CLDN1: variants seen among roughly 807,000 people sequenced by gnomAD.
The protein encoded by CLDN1 is claudin-1.
Under a neutral mutation model 22.6 loss-of-function variants are expected in CLDN1, and 12 were observed. That is an observed-to-expected ratio of 0.53 (90% CI 0.34 to 0.86). The LOEUF (loss-of-function observed/expected upper bound fraction) is 0.86, where lower values mean the gene tolerates loss of function less well. CLDN1 is among the 40% of genes least tolerant of loss of function. CLDN1 has a pLI of 0.02. For synonymous variants in CLDN1, 99 were observed against 103.8 expected, an observed-to-expected ratio of 0.95 and a Z score of 0.28; for missense variants, 250 against 269.5, an observed-to-expected ratio of 0.93 and a Z score of 0.51.
At position 190,310,252 on chromosome 3, in the gene CLDN1, A is replaced by T; in HGVS notation, c.390T>A (p.Gly130=). 10 of 1,612,670 alleles carry T rather than the reference A, an allele frequency of 6.2e-6. No individual in the cohort carries two copies. The highest frequency in any genetic ancestry group is 8.5e-6 in the Non-Finnish European group (10 of 1,178,884). Residue 130 remains glycine, a splice_region_variant and synonymous_variant, in exon 3 of 4, where the codon GGT becomes GGA. Transcript: ENST00000295522. The part of the protein sequence containing the change: ...VIGGAIFLLA[G]LAILVATAWY... ...ATGCTGTGGCAACTAAAATAGCCAG[A>T]CCTATAGAAATTCAAAACAAAAGAC... is the stretch of plus-strand genomic sequence containing the variant.
In CLDN1 at chr3:190,312,962, C is replaced by T. The variant is rs373107390; in HGVS notation, c.298G>A (p.Val100Ile). Residue 100 changes from valine to isoleucine, a missense_variant, in exon 2 of 4, where the codon GTT (valine) becomes ATT (isoleucine). Val to Ile is a conservative substitution (Grantham distance 29). Transcript: ENST00000295522. ...LGVIAIFVAT[V>I]GMKCMKCLED... Reference sequence around the variant, plus strand: ...AAGCACTTCATACACTTCATGCCAACGGTGGCCACAAAGATTGCTATCACT... The same window carrying T: ...AAGCACTTCATACACTTCATGCCAATGGTGGCCACAAAGATTGCTATCACT... 2.2e-5 allele frequency: 36 copies of T among 1,614,180 alleles called. No individual in the cohort carries two copies. The highest frequency in any genetic ancestry group is 1.6e-4 in the Middle Eastern group (1 of 6,062).
intron 1 of CLDN1, among the ~76,000 whole-genome samples, chr3:190,314,640 G>T (rs1716716701): frequency 6.6e-6 from 1 of 151,950 alleles, no homozygotes; most frequent in African/African-American, 2.4e-5. Context: ...CTGAGTTCAG[G>T]TGGTCTGCCC....
At position 190,308,229 on chromosome 3, in the gene CLDN1, G is replaced by A. The variant is rs1204499468; in HGVS notation, c.*48C>T. 5.0e-6 allele frequency: 8 copies of A among 1,601,726 alleles called. No homozygotes were observed. The Admixed American group carries it at 1.2e-4, about 23-fold the overall frequency. ...CTAATGTTAATGATAGTATCTCAAT[G>A]TCCATTTTCGGTTTGTTTCAACATG... On this transcript the variant is annotated 3_prime_UTR_variant, in exon 4 of 4. Coordinates refer to ENST00000295522, the MANE Select transcript of CLDN1 (RefSeq NM_021101.5).
chr3:190,314,473 C>T (rs1418092226), intron 1 of CLDN1, among the ~76,000 whole-genome samples: 1 of 152,116 alleles, frequency 6.6e-6, no homozygotes. Context: ...GGGCTCACTG[C>T]AACCTCTGCC....
chr3:190,310,025 T>C (rs2108606734), intron 3 of CLDN1, 144 bp downstream of exon 3: 1 of 718,342 alleles, frequency 1.4e-6, no homozygotes. Context: ...TTGACATAAG[T>C]CAGAGATCAT....
Position 190,308,406 on chromosome 3 carries a change from C to T in CLDN1, c.507G>A (p.Trp169Ter). Residue 169 changes from tryptophan (W) to a stop codon, truncating the protein, a stop_gained, in exon 4 of 4, where the codon TGG (tryptophan) becomes TGA (stop). Transcript: ENST00000295522. LOFTEE classifies it high-confidence loss of function. ...YEFGQALFTG[W>*]AAASLCLLGG... is the part of the protein sequence containing the mutation. Reference sequence around the variant, plus strand: ...CCAGAAGGCAGAGAGAAGCAGCAGCCCAGCCAGTGAAGAGAGCCTGACCAA... The same window carrying T: ...CCAGAAGGCAGAGAGAAGCAGCAGCTCAGCCAGTGAAGAGAGCCTGACCAA... The T allele has an allele frequency of 6.2e-7, 1 of 1,613,588 alleles. No homozygotes were observed. Among genetic ancestry groups the T allele is most frequent in the Non-Finnish European group, 8.5e-7 (1 of 1,179,778 alleles).
At chr3:190,321,353 G>A (rs962582904) in intron 1 of CLDN1, among the ~76,000 whole-genome samples, 1 of 152,038 alleles carries the variant, frequency 6.6e-6, no homozygotes, top group East Asian at 1.9e-4. Context: ...TTAAAACTTC[G>A]GGGGAATCTC....
At chr3:190,313,268 A>G in intron 1 of CLDN1, 2 of 529,658 alleles carry the variant, frequency 3.8e-6, no homozygotes, top group Non-Finnish European at 6.7e-6. Flanking sequence ...CCAATATTTT[A>G]TGTTTCCAAC....
At chr3:190,317,755 G>C (rs765127629) in intron 1 of CLDN1, among the ~76,000 whole-genome samples, 2 of 152,208 alleles carry the variant, frequency 1.3e-5, no homozygotes, top group Non-Finnish European at 2.9e-5. Context: ...CTTGTATACA[G>C]AAAGTCAACC....
intron 2 of CLDN1, among the ~76,000 whole-genome samples, chr3:190,310,481 T>C (rs1560073736): frequency 2.0e-5 from 3 of 152,214 alleles, no homozygotes; most frequent in South Asian, 4.1e-4. Flanking sequence ...TACTTTTTTA[T>C]GATATCTTGG....
chr3:190,319,807 A>G lies in CLDN1; in HGVS notation c.223+2177T>C, dbSNP rs1716870069. Among the ~76,000 whole-genome samples, 3 of 152,206 alleles carry G rather than the reference A, an allele frequency of 2.0e-5. No individual in the cohort carries two copies. In the South Asian group the frequency reaches 6.2e-4, roughly 31 times the overall value. ...TACCAAAACCAGCCAATGAATCACC[A>G]TCCCAGATCTCTACAGCTGGTGGGC... is the stretch of plus-strand genomic sequence containing the variant. On this transcript the variant is annotated intron_variant, in intron 1 of 3. Transcript: ENST00000295522.
rs141509079 is a variant in CLDN1, at chr3:190,315,694, G to A, written c.224-2658C>T. On this transcript the variant is annotated intron_variant, in intron 1 of 3. Transcript: ENST00000295522. ...GATGTTTTCTCTGATCTTGCTCCAA[G>A]TTTTTCTCTTTGTTCAAGTTGTGGG... 3.7e-3 allele frequency among the ~76,000 whole-genome samples: 558 copies of A among 152,170 alleles called. 2 individuals carry two copies. In the Middle Eastern group the frequency reaches 0.048, roughly 13 times the overall value.
intron 1 of CLDN1, among the ~76,000 whole-genome samples, chr3:190,320,229 AT>A: frequency 6.6e-6 from 1 of 152,346 alleles, no homozygotes; most frequent in African/African-American, 2.4e-5. Context: ...TCATTTGGTC[AT>A]TTCAGGAAGT....
chr3:190,314,772 T>G (rs1716721294), intron 1 of CLDN1, among the ~76,000 whole-genome samples: 1 of 152,154 alleles, frequency 6.6e-6, no homozygotes, highest in South Asian at 2.1e-4. Context: ...GAAGCCAAGG[T>G]TAAGTTTTAC....
Position 190,307,530 on chromosome 3 carries a change from A to T in CLDN1, c.*747T>A, listed in dbSNP as rs1237981239. 6.6e-6 allele frequency: 1 copy of T among 152,172 alleles called. No individual in the cohort carries two copies. Among genetic ancestry groups the T allele is most frequent in the Non-Finnish European group, 1.5e-5 (1 of 68,040 alleles). 9.4% of individuals were successfully genotyped at this position (152,172 alleles called of 1,614,324 possible). ...TTTATCACTTTGGTCATGCAGAAAGATTTGCCTCCAAAGTTCTGATTTGTA... is the reference window on the plus strand; with the variant it reads ...TTTATCACTTTGGTCATGCAGAAAGTTTTGCCTCCAAAGTTCTGATTTGTA... On this transcript the variant is annotated 3_prime_UTR_variant, in exon 4 of 4. Transcript: ENST00000295522.
intron 1 of CLDN1, among the ~76,000 whole-genome samples, chr3:190,314,837 C>T (rs917830697): frequency 3.3e-5 from 5 of 152,126 alleles, no homozygotes; most frequent in African/African-American, 1.2e-4. Context: ...ACACACTGAC[C>T]TCCTCATAAG....
At chr3:190,318,294 T>G (rs181311186) in intron 1 of CLDN1, among the ~76,000 whole-genome samples, 2 of 152,340 alleles carry the variant, frequency 1.3e-5, no homozygotes, top group African/African-American at 4.8e-5. Flanking sequence ...ATTAAGTTGA[T>G]GCTTCTATAT....
At chr3:190,308,520 T>TA (rs1716523801) in intron 3 of CLDN1, 81 bp from the exon 4 acceptor site, 1 of 1,299,126 alleles carries the variant, frequency 7.7e-7, no homozygotes, top group African/African-American at 1.5e-5. Context: ...AAAAAATCAA[T>TA]ACTCATTGTA....
At position 190,312,936 on chromosome 3, in the gene CLDN1, C is replaced by G; in HGVS notation, c.324G>C (p.Leu108Phe). The G allele has an allele frequency of 1.2e-6, 2 of 1,614,194 alleles. No homozygotes were observed. The highest frequency in any genetic ancestry group is 2.2e-5 in the East Asian group (1 of 44,884). ...ATVGMKCMKC[L>F]EDDEVQKMRM... Reference sequence around the variant, plus strand: ...TCATCTTCTGCACCTCATCGTCTTCCAAGCACTTCATACACTTCATGCCAA... The same window carrying G: ...TCATCTTCTGCACCTCATCGTCTTCGAAGCACTTCATACACTTCATGCCAA... Residue 108 changes from leucine (L) to phenylalanine (F), a missense_variant, in exon 2 of 4, where the codon TTG (leucine) becomes TTC (phenylalanine). Leu to Phe is a conservative substitution (Grantham distance 22, BLOSUM62 0). Transcript: ENST00000295522.
Sources: gnomAD v4.1 joint callset for allele counts (sites outside exome capture counted in the v4.1 genomes callset) on GRCh38, gnomAD v4.1.1 for gene constraint, MANE v1.5 for transcripts, NCBI Gene and HGNC (gene_info 2026-07-23, HGNC 2026-07-21) for gene names.